Variants in AKAP19 observed in about 807,000 individuals in gnomAD.
The protein encoded by AKAP19 is A-kinase anchoring protein 19.
At chr2:190,067,453 C>T in the AKAP19 span, among the ~76,000 whole-genome samples, 9 of 152,050 alleles carry the variant, frequency 5.9e-5, no homozygotes, top group African/African-American at 2.2e-4. Flanking sequence ...ATACCTGTAG[C>T]GTTGCTTTTA....
At chr2:189,885,035 G>A in the AKAP19 span, among the ~76,000 whole-genome samples, 1 of 152,240 alleles carries the variant, frequency 6.6e-6, no homozygotes, top group African/African-American at 2.4e-5. Context: ...TTTCTCATGG[G>A]ACATCATTCT....
chr2:190,129,359 T>A, the AKAP19 span, among the ~76,000 whole-genome samples: 1 of 152,200 alleles, frequency 6.6e-6, no homozygotes, highest in East Asian at 1.9e-4. Flanking sequence ...TATAAATGAT[T>A]TTGTGAATAT....
At chr2:189,972,335 A>G in the AKAP19 span, among the ~76,000 whole-genome samples, 3 of 151,944 alleles carry the variant, frequency 2.0e-5, no homozygotes, top group Admixed American at 6.6e-5. Context: ...GGTTCCATTG[A>G]TCTATATCTC....
the AKAP19 span, among the ~76,000 whole-genome samples, chr2:190,131,132 C>T: frequency 6.6e-6 from 1 of 152,198 alleles, no homozygotes; most frequent in East Asian, 1.9e-4. Context: ...TGGTCTTTGA[C>T]CCTGGTTCCT....
At chr2:190,093,686 A>G in the AKAP19 span, among the ~76,000 whole-genome samples, 3 of 152,028 alleles carry the variant, frequency 2.0e-5, no homozygotes. Flanking sequence ...GATTATTTTT[A>G]TTTATGTGAT....
the AKAP19 span, among the ~76,000 whole-genome samples, chr2:190,027,312 C>G: frequency 1.3e-5 from 2 of 152,196 alleles, no homozygotes; most frequent in Non-Finnish European, 2.9e-5. Flanking sequence ...AGAGATCAAA[C>G]TTGACTGGAG....
chr2:190,059,986 AT>A, the AKAP19 span: 1 of 1,464,428 alleles, frequency 6.8e-7, no homozygotes, highest in Non-Finnish European at 9.4e-7. Flanking sequence ...ATTTGTAGCT[AT>A]TTTCCACTAT....
At chr2:190,203,323 T>G in the AKAP19 span, 26 of 167,210 alleles carry the variant, frequency 1.6e-4, no homozygotes, top group Non-Finnish European at 3.4e-4. Context: ...CTGTGGGCAT[T>G]AGTTCAGAAG....
the AKAP19 span, among the ~76,000 whole-genome samples, chr2:190,138,467 C>T: frequency 6.6e-6 from 1 of 152,322 alleles, no homozygotes; most frequent in South Asian, 2.1e-4. Flanking sequence ...TCTGTCCAAG[C>T]TTCTTGTTCA....
the AKAP19 span, chr2:190,180,351 A>G: frequency 8.4e-6 from 5 of 596,774 alleles, no homozygotes; most frequent in East Asian, 1.4e-4. The surrounding 1 kb of genome is among the most constrained non-coding windows in gnomAD (Gnocchi z 6.8). Context: ...CTGTTGTCCC[A>G]AGGCAGGCCC....
the AKAP19 span, among the ~76,000 whole-genome samples, chr2:190,063,668 G>C: frequency 6.6e-6 from 1 of 152,092 alleles, no homozygotes; most frequent in African/African-American, 2.4e-5. Flanking sequence ...AGAGCATCAT[G>C]ATAAAGGGGT....
At chr2:189,897,440 A>G in the AKAP19 span, among the ~76,000 whole-genome samples, 1 of 152,162 alleles carries the variant, frequency 6.6e-6, no homozygotes, top group Non-Finnish European at 1.5e-5. Context: ...TTTTAACTAC[A>G]TAGTTAAAAT....
At chr2:190,129,373 T>C in the AKAP19 span, among the ~76,000 whole-genome samples, 1 of 152,222 alleles carries the variant, frequency 6.6e-6, no homozygotes, top group African/African-American at 2.4e-5. Flanking sequence ...TGAATATCTT[T>C]GTAAAATATT....
the AKAP19 span, among the ~76,000 whole-genome samples, chr2:190,187,513 C>T: frequency 2.0e-5 from 3 of 150,480 alleles, no homozygotes; most frequent in Middle Eastern, 3.4e-3. Context: ...GGAATTTACT[C>T]CTTTTGATGA....
the AKAP19 span, among the ~76,000 whole-genome samples, chr2:189,976,698 C>T: frequency 7.9e-5 from 12 of 152,226 alleles, no homozygotes; most frequent in African/African-American, 1.4e-4. Context: ...CCCCCAGCCT[C>T]GCTGCTGCCT....
At chr2:190,199,387 C>T in the AKAP19 span, among the ~76,000 whole-genome samples, 36 of 152,072 alleles carry the variant, frequency 2.4e-4, no homozygotes, top group African/African-American at 8.4e-4. Context: ...TTTGCTAGCC[C>T]TTGGTATAGA....
the AKAP19 span, among the ~76,000 whole-genome samples, chr2:189,982,096 A>G: frequency 1.1e-3 from 172 of 152,168 alleles, no homozygotes; most frequent in African/African-American, 3.9e-3. Context: ...CCTAAAATAT[A>G]TTTTTGAAGT....
At chr2:190,060,506 T>A in the AKAP19 span, 1 of 1,385,770 alleles carries the variant, frequency 7.2e-7, no homozygotes, top group Non-Finnish European at 9.9e-7. Context: ...ATATTAATAG[T>A]TGAGCATTTT....
chr2:189,904,855 A>T, the AKAP19 span, among the ~76,000 whole-genome samples: 1 of 152,050 alleles, frequency 6.6e-6, no homozygotes, highest in African/African-American at 2.4e-5. Flanking sequence ...TTAGTTTCTC[A>T]CTTAAGAAAT....
Sources: allele counts gnomAD v4.1 joint callset (sites outside exome capture counted in the v4.1 genomes callset), GRCh38; gene constraint gnomAD v4.1.1; non-coding constraint Gnocchi (gnomAD v3.1); transcripts MANE v1.5; gene names NCBI Gene and HGNC (gene_info 2026-07-23, HGNC 2026-07-21).